Variants in LEMD2 observed in about 807,000 individuals in gnomAD.
The protein encoded by LEMD2 is LEM domain nuclear envelope protein 2.
A neutral mutation model predicts 58.8 loss-of-function variants in LEMD2; 34 were observed. The observed-to-expected ratio is 0.58, with a 90% CI of 0.44 to 0.77. LEMD2 has a LOEUF of 0.77. Among genes scored for constraint, LEMD2 ranks in the 30% least tolerant of loss-of-function variants. LEMD2 has a pLI of 0.00. For synonymous variants in LEMD2, 298 were observed against 308.9 expected, an observed-to-expected ratio of 0.96 and a Z score of 0.37; for missense variants, 629 against 717.9, an observed-to-expected ratio of 0.88 and a Z score of 1.42.
intron 1 of LEMD2, among the ~76,000 whole-genome samples, chr6:33,787,847 C>CA (rs1278184540): frequency 6.6e-6 from 1 of 152,210 alleles, no homozygotes; most frequent in Admixed American, 6.5e-5. Flanking sequence ...ACCTGTCTGG[C>CA]AAGCAAGGCT....
Position 33,776,756 on chromosome 6 carries a change from G to A in LEMD2, c.1361+198C>T, listed in dbSNP as rs1003491361. On this transcript the variant is annotated intron_variant, in intron 8 of 8. Coordinates refer to ENST00000293760, the MANE Select transcript of LEMD2 (RefSeq NM_181336.4). ...GAGGTGTGGGATTGTGCTTTCATAT[G>A]TCTTTTCTAGCTCATCCTGCCATAA... is the stretch of plus-strand genomic sequence containing the variant. 4 of 609,044 alleles carry A rather than the reference G, an allele frequency of 6.6e-6. No individual in the cohort carries two copies. In the African/African-American group the frequency reaches 7.4e-5, roughly 11 times the overall value. The allele number at this position is 609,044 out of a possible 1,614,324, so 37.7% of individuals were successfully genotyped here. A position where few individuals can be genotyped will look rare whatever the true frequency, so the allele number is the denominator to read the frequency against.
chr6:33,788,096 G>A (rs1381731317), intron 1 of LEMD2, among the ~76,000 whole-genome samples: 2 of 152,250 alleles, frequency 1.3e-5, no homozygotes, highest in African/African-American at 4.8e-5. Context: ...AAAACCAGAG[G>A]TTGGAGGAGC....
chr6:33,775,949 C>G (rs990888266), intron 8 of LEMD2, among the ~76,000 whole-genome samples: 2 of 152,196 alleles, frequency 1.3e-5, no homozygotes, highest in African/African-American at 4.8e-5. Flanking sequence ...CAGCAAGTGT[C>G]TGCTAGGGAG....
intron 8 of LEMD2, chr6:33,776,482 A>C (rs1029646052): frequency 2.2e-5 from 4 of 180,466 alleles, no homozygotes; most frequent in Non-Finnish European, 4.8e-5. Context: ...GCTGTTGGCC[A>C]CCATCTGCAA....
intron 2 of LEMD2, among the ~76,000 whole-genome samples, chr6:33,786,343 C>T (rs148011014): frequency 1.3e-5 from 2 of 152,268 alleles, no homozygotes; most frequent in African/African-American, 4.8e-5. Flanking sequence ...CCACTGGAGA[C>T]AGAGAATGTG....
intron 2 of LEMD2, 126 bp from the exon 3 acceptor site, chr6:33,784,553 A>G (rs992438912): frequency 7.6e-6 from 5 of 661,470 alleles, no homozygotes; most frequent in African/African-American, 1.8e-5. Context: ...ACTTTTACAA[A>G]ATAGAAAAAA....
At chr6:33,785,239 C>T (rs754149637) in intron 2 of LEMD2, among the ~76,000 whole-genome samples, 4 of 152,150 alleles carry the variant, frequency 2.6e-5, no homozygotes, top group African/African-American at 7.2e-5. Context: ...CCAAGAAACA[C>T]GTCCCCACCT....
Position 33,788,683 on chromosome 6 carries a change from G to GCGTCCT in LEMD2, c.428_433dup (p.Glu143_Asp144dup), listed in dbSNP as rs1175527076. 7.4e-7 allele frequency: 1 copy of GCGTCCT among 1,344,900 alleles called. No individual in the cohort carries two copies. The allele number at this position is 1,344,900 out of a possible 1,614,324, so 83.3% of individuals were successfully genotyped here. A position where few individuals can be genotyped will look rare whatever the true frequency, so the allele number is the denominator to read the frequency against. Reference sequence around the variant, plus strand: ...CTGCGTGGCCCTGTCGGGCGTCCGGGCGTCCTCGTCCTCCTCGGAGCTGCC... The same window carrying GCGTCCT: ...CTGCGTGGCCCTGTCGGGCGTCCGGGCGTCCTCGTCCTCGTCCTCCTCGGAGCTGCC... On this transcript the variant is annotated inframe_insertion, in exon 1 of 9. Coordinates refer to ENST00000293760, the MANE Select transcript of LEMD2 (RefSeq NM_181336.4).
chr6:33,778,230 C>A lies in LEMD2; in HGVS notation c.1156+12G>T. On this transcript the variant is annotated intron_variant, in intron 6 of 8. Transcript: ENST00000293760. This position sits in a 1 kb window ranked among gnomAD's most constrained non-coding sequence, Gnocchi z 4.7. ...CTGCACAGAAGGGGAGGGAAGGCGG[C>A]CGAGGACTTACACCAGAAGAAGATG... 1 of 1,572,796 alleles carries A rather than the reference C, an allele frequency of 6.4e-7. No homozygotes were observed. The highest frequency in any genetic ancestry group is 8.6e-7 in the Non-Finnish European group (1 of 1,157,758).
At chr6:33,776,874 G>A in intron 8 of LEMD2, 80 bp downstream of exon 8, 1 of 1,150,700 alleles carries the variant, frequency 8.7e-7, no homozygotes, top group Non-Finnish European at 1.3e-6. Flanking sequence ...CTGATGCAAG[G>A]CTCTGGGTTT....
intron 8 of LEMD2, chr6:33,776,590 C>G (rs1767434847): frequency 3.5e-6 from 1 of 285,958 alleles, no homozygotes; most frequent in African/African-American, 2.1e-5. Flanking sequence ...TGTTCTGTGC[C>G]TGGAGCCCAT....
Sources: gnomAD v4.1 joint callset for allele counts (sites outside exome capture counted in the v4.1 genomes callset) on GRCh38, gnomAD v4.1.1 for gene constraint, Gnocchi (gnomAD v3.1) non-coding constraint, MANE v1.5 for transcripts, NCBI Gene and HGNC (gene_info 2026-07-23, HGNC 2026-07-21) for gene names.